Variants in TNR observed in about 807,000 individuals in gnomAD.
TNR encodes the protein tenascin R, also known as tenascin-R.
In TNR, 45 loss-of-function variants were observed where a neutral mutation model predicts 150.4. That is an observed-to-expected ratio of 0.30 (90% CI 0.24 to 0.38). The LOEUF is 0.38. Ranked by LOEUF, TNR falls within the 10% of genes least tolerant of loss-of-function variation. The pLI, the probability that TNR is intolerant of heterozygous loss-of-function variation, is 1.00. For synonymous variants in TNR, 687 were observed against 678.4 expected (o/e 1.01, Z -0.20); for missense variants, 1,544 against 1,759.1 (o/e 0.88, Z 2.19).
intron 1 of TNR, among the ~76,000 whole-genome samples, chr1:175,541,806 A>G (rs535075814): frequency 2.6e-5 from 4 of 152,296 alleles, no homozygotes; most frequent in African/African-American, 2.4e-5. Context: ...TGAAACTGGT[A>G]AAGTCTCTCT....
chr1:175,415,410 A>T (rs1446320464), intron 2 of TNR, among the ~76,000 whole-genome samples: 4 of 152,204 alleles, frequency 2.6e-5, no homozygotes, highest in Non-Finnish European at 5.9e-5. Flanking sequence ...ACAGGACTCC[A>T]TGGCTGGCCC....
At chr1:175,635,276 G>A (rs763080002) in intron 1 of TNR, among the ~76,000 whole-genome samples, 9 of 152,164 alleles carry the variant, frequency 5.9e-5, no homozygotes, top group Non-Finnish European at 1.3e-4. Flanking sequence ...GCTCCATCTC[G>A]AGTGTGTTCA....
intron 2 of TNR, among the ~76,000 whole-genome samples, chr1:175,489,283 T>C (rs1266525561): frequency 6.6e-6 from 1 of 152,196 alleles, no homozygotes; most frequent in African/African-American, 2.4e-5. Context: ...TCTGAGTGCA[T>C]AACTCATGTG....
At chr1:175,666,107 A>G (rs1446069986) in intron 1 of TNR, among the ~76,000 whole-genome samples, 2 of 152,234 alleles carry the variant, frequency 1.3e-5, no homozygotes, top group Non-Finnish European at 2.9e-5. Context: ...ATACATGACT[A>G]AACTCAAACG....
chr1:175,382,597 T>C (rs1652731638), intron 8 of TNR, among the ~76,000 whole-genome samples: 1 of 152,232 alleles, frequency 6.6e-6, no homozygotes. Flanking sequence ...ACTGGGTGTC[T>C]TAAATAATAT....
intron 1 of TNR, among the ~76,000 whole-genome samples, chr1:175,726,556 G>T (rs1299973035): frequency 1.3e-5 from 2 of 152,224 alleles, no homozygotes; most frequent in African/African-American, 4.8e-5. Context: ...TACCCTCCTT[G>T]TCTGTGGTCA....
intron 2 of TNR, among the ~76,000 whole-genome samples, chr1:175,469,321 A>G (rs1003955249): frequency 5.3e-5 from 8 of 152,160 alleles, no homozygotes; most frequent in Admixed American, 4.6e-4. Flanking sequence ...ACACAGGCTA[A>G]GAGAGACCCA....
chr1:175,657,219 G>C (rs896261793), intron 1 of TNR, among the ~76,000 whole-genome samples: 1 of 152,182 alleles, frequency 6.6e-6, no homozygotes, highest in African/African-American at 2.4e-5. Flanking sequence ...ACCATAATGA[G>C]ATACCATCTC....
chr1:175,689,140 TGAAGCCCAGA>T (rs1666284880), intron 1 of TNR, among the ~76,000 whole-genome samples: 1 of 152,228 alleles, frequency 6.6e-6, no homozygotes, highest in Admixed American at 6.5e-5. Context: ...ATGGCTCATG[TGAAGCCCAGA>T]GAGGACCAGA....
At chr1:175,716,910 C>T (rs1330378941) in intron 1 of TNR, among the ~76,000 whole-genome samples, 4 of 152,170 alleles carry the variant, frequency 2.6e-5, no homozygotes, top group Admixed American at 6.5e-5. Flanking sequence ...TTCCACTTCT[C>T]CCTCCATAGA....
chr1:175,510,047 C>A (rs1285398773), intron 2 of TNR, among the ~76,000 whole-genome samples: 1 of 151,786 alleles, frequency 6.6e-6, no homozygotes, highest in Non-Finnish European at 1.5e-5. Flanking sequence ...GGGAACATGG[C>A]AAAATCCTGT....
rs142523357 is a variant in TNR at position 175,406,667 on chromosome 1, G to C, written c.48C>G (p.Gly16=). 2.5e-6 allele frequency: 4 copies of C among 1,614,182 alleles called. No homozygotes were observed. In the Admixed American group the frequency reaches 6.7e-5, roughly 27 times the overall value. ...TGGAGCCCAGAAGGATCAGGTTGAT[G>C]CCAATGAGCATGTTCTTCAGAACCA... is the stretch of plus-strand genomic sequence containing the variant. The part of the protein sequence containing the change: ...ETVVLKNMLI[G]INLILLGSMI... The change falls in exon 3 of 23, where the codon GGC becomes GGG. Residue 16 remains glycine (G), a synonymous_variant. Transcript: ENST00000367674.
In TNR at chr1:175,567,564, A is replaced by T. The variant is rs115234762; in HGVS notation, c.-164-39195T>A. Among the ~76,000 whole-genome samples, 1,193 of 152,278 alleles carry T rather than the reference A, an allele frequency of 7.8e-3. 14 individuals carry two copies. Among genetic ancestry groups the T allele is most frequent in the African/African-American group, 0.027 (1,132 of 41,546 alleles). On this transcript the variant is annotated intron_variant, in intron 1 of 22. Coordinates refer to ENST00000367674, the MANE Select transcript of TNR (RefSeq NM_003285.3). Reference sequence around the variant, plus strand: ...TCTGCGGGTCTAACATGGCCATGGGAGGAGCATCTCTGTTGTGATGTTCAT... The same window carrying T: ...TCTGCGGGTCTAACATGGCCATGGGTGGAGCATCTCTGTTGTGATGTTCAT...
At chr1:175,658,726 TG>T (rs1461151274) in intron 1 of TNR, among the ~76,000 whole-genome samples, 1 of 152,250 alleles carries the variant, frequency 6.6e-6, no homozygotes, top group Non-Finnish European at 1.5e-5. Context: ...ACATGTCCAT[TG>T]GTTCATTGAA....
At chr1:175,426,323 G>A (rs570074414) in intron 2 of TNR, among the ~76,000 whole-genome samples, 1 of 152,246 alleles carries the variant, frequency 6.6e-6, no homozygotes, top group East Asian at 1.9e-4. Context: ...CTGGGATACT[G>A]GGGTGCTGCG....
intron 15 of TNR, among the ~76,000 whole-genome samples, chr1:175,359,099 T>C (rs913309711): frequency 2.7e-5 from 4 of 148,636 alleles, no homozygotes; most frequent in Non-Finnish European, 5.9e-5. Context: ...CTTTCTCAGC[T>C]CCTAGATTTG....
At chr1:175,654,719 CTTTTTTTTTTTTT>C (rs36087120) in intron 1 of TNR, among the ~76,000 whole-genome samples, 1 of 74,734 alleles carries the variant, frequency 1.3e-5, no homozygotes, top group Non-Finnish European at 2.4e-5. Context: ...AAGTTCCCTT[CTTTTTTTTTTTTT>C]TTTTTTTTTT....
At chr1:175,341,938 A>C (rs1650539416) in intron 18 of TNR, among the ~76,000 whole-genome samples, 1 of 152,250 alleles carries the variant, frequency 6.6e-6, no homozygotes. Flanking sequence ...GGGCAGCCTA[A>C]GTCTGCCAAC....
At chr1:175,652,352 G>A (rs1665026462) in intron 1 of TNR, among the ~76,000 whole-genome samples, 1 of 151,758 alleles carries the variant, frequency 6.6e-6, no homozygotes, top group Admixed American at 6.6e-5. Flanking sequence ...TTCACCAGTG[G>A]CCATGGCAGA....
Sources: allele counts gnomAD v4.1 joint callset (sites outside exome capture counted in the v4.1 genomes callset), GRCh38; gene constraint gnomAD v4.1.1; transcripts MANE v1.5; gene names NCBI Gene and HGNC (gene_info 2026-07-23, HGNC 2026-07-21).